Variants in AFG3L2 observed in about 807,000 individuals in gnomAD.
AFG3L2 encodes AFG3 like matrix AAA peptidase subunit 2, also known as mitochondrial inner membrane m-AAA protease component AFG3L2.
AFG3L2 carries 54 observed loss-of-function variants against 94.5 expected under a neutral mutation model. The observed-to-expected ratio is 0.57, with a 90% CI of 0.46 to 0.72. AFG3L2 has a LOEUF of 0.72. AFG3L2 is among the 30% of genes least tolerant of loss of function. The pLI is 0.00. For synonymous variants in AFG3L2, 377 were observed against 365.5 expected (o/e 1.03, Z -0.36); for missense variants, 754 against 994.9 (o/e 0.76, Z 3.26).
intron 6 of AFG3L2, 104 bp downstream of exon 6, chr18:12,363,678 C>T: frequency 1.1e-6 from 1 of 883,772 alleles, no homozygotes; most frequent in Non-Finnish European, 1.9e-6. Flanking sequence ...TCTGATATAT[C>T]TGGTGCGTAT....
intron 6 of AFG3L2, among the ~76,000 whole-genome samples, chr18:12,363,499 T>C (rs1215404557): frequency 1.3e-5 from 2 of 152,240 alleles, no homozygotes; most frequent in African/African-American, 4.8e-5. Context: ...AGTCACAGAC[T>C]ATTCTGGAAT....
intron 16 of AFG3L2, among the ~76,000 whole-genome samples, chr18:12,332,270 T>A (rs1907558428): frequency 6.6e-6 from 1 of 151,824 alleles, no homozygotes; most frequent in Admixed American, 6.6e-5. Context: ...ATTACAGGCG[T>A]CCACCACCAC....
chr18:12,356,242 C>T (rs1908491257), intron 9 of AFG3L2, among the ~76,000 whole-genome samples: 1 of 151,694 alleles, frequency 6.6e-6, no homozygotes, highest in Non-Finnish European at 1.5e-5. Flanking sequence ...ACTTCTGCCG[C>T]CTGGGTTCAA....
At chr18:12,345,236 A>G (rs897739365) in intron 13 of AFG3L2, among the ~76,000 whole-genome samples, 2 of 152,240 alleles carry the variant, frequency 1.3e-5, no homozygotes, top group African/African-American at 4.8e-5. Context: ...CCCGTGCTGC[A>G]GCCTGCGTCC....
At chr18:12,333,185 A>T (rs1166685109) in intron 16 of AFG3L2, among the ~76,000 whole-genome samples, 1 of 118,702 alleles carries the variant, frequency 8.4e-6, no homozygotes, top group East Asian at 2.1e-4. Flanking sequence ...ATAATATAAT[A>T]AATAATATAT....
chr18:12,377,151 G>A lies in AFG3L2; in HGVS notation c.-69C>T, dbSNP rs1909189997. 8.3e-7 allele frequency: 1 copy of A among 1,210,632 alleles called. No homozygotes were observed. The highest frequency in any genetic ancestry group is 1.5e-5 in the South Asian group (1 of 66,044). 75.0% of individuals were successfully genotyped at this position (1,210,632 alleles called of 1,614,324 possible). ...CGGGCAGGCGACGACTGGCGGCCTC[G>A]GGAAGCGGGCTCGGCTCGGGGAAAG... On this transcript the variant is annotated 5_prime_UTR_variant, in exon 1 of 17. Transcript: ENST00000269143.
At chr18:12,343,268 T>C (rs1322466220) in intron 14 of AFG3L2, 8 of 152,238 alleles carry the variant, frequency 5.3e-5, no homozygotes, top group Admixed American at 4.6e-4. Flanking sequence ...AGAAATACAA[T>C]TGGTCTTTGT....
At position 12,344,711 on chromosome 18, in the gene AFG3L2, T is replaced by A. The variant is rs776032281; in HGVS notation, c.1664-464A>T. Reference sequence around the variant, plus strand: ...AATTAAATTAAGTTAAAAATTTTTTTAAAAAATTAAATAGAATTCCCAATC... The same window carrying A: ...AATTAAATTAAGTTAAAAATTTTTTAAAAAAATTAAATAGAATTCCCAATC... On this transcript the variant is annotated intron_variant, in intron 13 of 16. Transcript: ENST00000269143. Among the ~76,000 whole-genome samples the A allele has an allele frequency of 7.0e-4, 106 of 151,976 alleles. 1 individual carries two copies. Among genetic ancestry groups the A allele is most frequent in the East Asian group, 9.6e-4 (5 of 5,184 alleles).
chr18:12,369,851 T>C lies in AFG3L2; in HGVS notation c.292+998A>G, dbSNP rs531584860. 4.0e-3 allele frequency among the ~76,000 whole-genome samples: 602 copies of C among 151,376 alleles called. 2 individuals are homozygous for C. The highest frequency in any genetic ancestry group is 0.013 in the African/African-American group (528 of 41,196). Reference sequence around the variant, plus strand: ...GCAGGCGGATCACAAGGTCAGGAGATGGAGACCATCCTGGCTAACACAGCG... The same window carrying C: ...GCAGGCGGATCACAAGGTCAGGAGACGGAGACCATCCTGGCTAACACAGCG... On this transcript the variant is annotated intron_variant, in intron 3 of 16. Transcript: ENST00000269143.
chr18:12,362,462 T>C (rs1908689776), intron 6 of AFG3L2, among the ~76,000 whole-genome samples: 2 of 152,256 alleles, frequency 1.3e-5, no homozygotes, highest in Admixed American at 1.3e-4. Flanking sequence ...CTCAAGACTG[T>C]ATAATGCCAC....
At chr18:12,347,431 G>A (rs1908175598) in intron 13 of AFG3L2, among the ~76,000 whole-genome samples, 1 of 152,218 alleles carries the variant, frequency 6.6e-6, no homozygotes, top group Admixed American at 6.5e-5. Flanking sequence ...TGCCTTTAGG[G>A]ATTAAATCAG....
rs180917336 is a variant in AFG3L2 at position 12,329,239 on chromosome 18, C to T, written c.*326G>A. The T allele has an allele frequency of 2.2e-4, 154 of 702,316 alleles. 1 individual carries two copies. Among genetic ancestry groups the T allele is most frequent in the Admixed American group, 2.1e-3 (104 of 49,992 alleles). 43.5% of individuals were successfully genotyped at this position (702,316 alleles called of 1,614,324 possible). A position where few individuals can be genotyped will look rare whatever the true frequency, so the allele number is the denominator to read the frequency against. On this transcript the variant is annotated 3_prime_UTR_variant, in exon 17 of 17. Transcript: ENST00000269143. The stretch of plus-strand genomic sequence containing the variant: ...CCCACACGCCAAGAGTCCAGTGCAA[C>T]GATCCCTGCCACACGGTCAGCCGAC...
At chr18:12,367,685 G>A (rs1908849273) in intron 3 of AFG3L2, among the ~76,000 whole-genome samples, 1 of 152,156 alleles carries the variant, frequency 6.6e-6, no homozygotes, top group African/African-American at 2.4e-5. Flanking sequence ...TTGTTGGATG[G>A]GTGGCAGTGT....
Position 12,347,554 on chromosome 18 carries a change from A to T in AFG3L2, c.1663+719T>A, listed in dbSNP as rs76040040. ...TTATTTTATTTTATTTATTATTATT[A>T]TTTTTTTTTTTTTTGAGACAGAGAC... On this transcript the variant is annotated intron_variant, in intron 13 of 16. Coordinates refer to ENST00000269143, the MANE Select transcript of AFG3L2 (RefSeq NM_006796.3). 7.4e-3 allele frequency among the ~76,000 whole-genome samples: 1,036 copies of T among 140,680 alleles called. 2 individuals carry two copies. Among genetic ancestry groups the T allele is most frequent in the African/African-American group, 0.011 (407 of 37,802 alleles). The allele number at this position is 140,680 out of a possible 152,430, so 92.3% of individuals were successfully genotyped here.
At chr18:12,331,808 A>AATATATATATATATATAT (rs35558132) in intron 16 of AFG3L2, among the ~76,000 whole-genome samples, 1 of 146,348 alleles carries the variant, frequency 6.8e-6, no homozygotes, top group African/African-American at 2.6e-5. Context: ...TAAATAAATA[A>AATATATATATATATATAT]ATATATATAT....
At position 12,351,206 on chromosome 18, in the gene AFG3L2, TG is replaced by T; in HGVS notation, c.1430del (p.Pro477HisfsTer4). 6.2e-7 allele frequency: 1 copy of T among 1,614,144 alleles called. No individual in the cohort carries two copies. The highest frequency in any genetic ancestry group is 8.5e-7 in the Non-Finnish European group (1 of 1,180,030). ...TAGAAGCTCTTCCTTTTATGTCTGGTGGTCCTTTAGAAATCATTTTTAAGGA... is the reference window on the plus strand; with the variant it reads ...TAGAAGCTCTTCCTTTTATGTCTGGTGTCCTTTAGAAATCATTTTTAAGGA... ...GRFDRQIFIG[P>X]PDIKGRASIF... On this transcript the variant is annotated frameshift_variant, in exon 12 of 17. Coordinates refer to ENST00000269143, the MANE Select transcript of AFG3L2 (RefSeq NM_006796.3). LOFTEE classifies it high-confidence loss of function.
intron 7 of AFG3L2, among the ~76,000 whole-genome samples, chr18:12,359,713 G>C (rs1369807601): frequency 2.0e-5 from 3 of 152,084 alleles, no homozygotes; most frequent in Non-Finnish European, 4.4e-5. Context: ...CTGCACTACA[G>C]CCTGGGCGAC....
chr18:12,351,284 G>GC (rs1299266714), intron 11 of AFG3L2, 22 bp downstream of exon 11: 1 of 1,613,928 alleles, frequency 6.2e-7, no homozygotes, highest in Non-Finnish European at 8.5e-7. Context: ...CACTGGACCT[G>GC]CCCCAGCAAA....
intron 13 of AFG3L2, among the ~76,000 whole-genome samples, chr18:12,344,950 T>C (rs191396480): frequency 6.6e-6 from 1 of 152,256 alleles, no homozygotes; most frequent in Non-Finnish European, 1.5e-5. Flanking sequence ...TCTGGAAAGG[T>C]CCTCATTGCA....
Sources: gnomAD v4.1 joint callset for allele counts (sites outside exome capture counted in the v4.1 genomes callset) on GRCh38, gnomAD v4.1.1 for gene constraint, MANE v1.5 for transcripts, NCBI Gene and HGNC (gene_info 2026-07-23, HGNC 2026-07-21) for gene names.